The following PTAR1 variants were observed in gnomAD, a reference collection of about 807,000 sequenced individuals.
The protein encoded by PTAR1 is protein prenyltransferase alpha subunit repeat containing 1, also known as protein prenyltransferase alpha subunit repeat-containing protein 1.
PTAR1 carries 17 observed loss-of-function variants against 45.5 expected under a neutral mutation model. The observed-to-expected ratio is 0.37, with a 90% CI of 0.26 to 0.56. PTAR1 has a LOEUF of 0.56. Among genes scored for constraint, PTAR1 ranks in the 20% least tolerant of loss-of-function variants. The pLI is 0.77. For missense variants in PTAR1, 391 were observed against 476.3 expected (o/e 0.82, Z 1.67); for synonymous variants, 169 against 171.3 (o/e 0.99, Z 0.11).
chr9:69,748,502 G>C lies in PTAR1; in HGVS notation c.256+2279C>G, dbSNP rs76818658. Reference sequence around the variant, plus strand: ...GTTAATGAAAACAAGAATTCAGTTTGGTTAGGAAGAAAAAATCTATCCCAG... The same window carrying C: ...GTTAATGAAAACAAGAATTCAGTTTCGTTAGGAAGAAAAAATCTATCCCAG... On this transcript the variant is annotated intron_variant, in intron 2 of 7. Coordinates refer to ENST00000340434, the MANE Select transcript of PTAR1 (RefSeq NM_001099666.2). Among the ~76,000 whole-genome samples, 402 of 152,058 alleles carry C rather than the reference G, an allele frequency of 2.6e-3. 2 individuals carry two copies. The highest frequency in any genetic ancestry group is 4.2e-3 in the Non-Finnish European group (287 of 67,960).
intron 2 of PTAR1, 46 bp from the exon 3 acceptor site, chr9:69,741,904 T>G (rs771751917): frequency 5.0e-6 from 6 of 1,211,408 alleles, no homozygotes; most frequent in Non-Finnish European, 7.2e-6. Flanking sequence ...TCCTACCTTT[T>G]AAAGCTTGGC....
chr9:69,741,359 C>T (rs1018895391), intron 3 of PTAR1, among the ~76,000 whole-genome samples: 1 of 152,088 alleles, frequency 6.6e-6, no homozygotes, highest in Non-Finnish European at 1.5e-5. Flanking sequence ...ATGGCAATTC[C>T]ATCCTTTCAG....
chr9:69,757,206 G>A (rs1048798939), intron 1 of PTAR1: 1 of 152,158 alleles, frequency 6.6e-6, no homozygotes, highest in African/African-American at 2.4e-5. Context: ...ATTATAAACT[G>A]TTGTCTTCTA....
chr9:69,722,780 AAC>A (rs1245641908), intron 6 of PTAR1, among the ~76,000 whole-genome samples: 1 of 151,876 alleles, frequency 6.6e-6, no homozygotes, highest in African/African-American at 2.4e-5. Flanking sequence ...CTCTACTAAA[AAC>A]ACAAAAATTA....
rs1197670502 is a variant in PTAR1 at position 69,715,847 on chromosome 9, C to T, written c.*2495G>A. On this transcript the variant is annotated 3_prime_UTR_variant, in exon 8 of 8. Coordinates refer to ENST00000340434, the MANE Select transcript of PTAR1 (RefSeq NM_001099666.2). ...TGCAAACTCTAGAAATAAAGCAGCA[C>T]ACAAAAGTTACATACTAACAGTATC... 1 of 152,090 alleles carries T rather than the reference C, an allele frequency of 6.6e-6. No homozygotes were observed. The highest frequency in any genetic ancestry group is 1.5e-5 in the Non-Finnish European group (1 of 68,004). The allele number at this position is 152,090 out of a possible 1,614,324, so 9.4% of individuals were successfully genotyped here. A position where few individuals can be genotyped will look rare whatever the true frequency, so the allele number is the denominator to read the frequency against.
intron 2 of PTAR1, among the ~76,000 whole-genome samples, chr9:69,748,366 G>C (rs1483049284): frequency 6.7e-6 from 1 of 150,244 alleles, no homozygotes; most frequent in Non-Finnish European, 1.5e-5. Flanking sequence ...TACAGAATCA[G>C]TCCTCTCCCA....
At chr9:69,729,523 T>C (rs1415065306) in intron 5 of PTAR1, among the ~76,000 whole-genome samples, 1 of 152,208 alleles carries the variant, frequency 6.6e-6, no homozygotes, top group East Asian at 1.9e-4. Context: ...CTTTTATATA[T>C]CAAACTTCTA....
At chr9:69,756,414 T>C (rs1294317886) in intron 1 of PTAR1, among the ~76,000 whole-genome samples, 1 of 152,202 alleles carries the variant, frequency 6.6e-6, no homozygotes, top group Non-Finnish European at 1.5e-5. Flanking sequence ...TCCATTAGGA[T>C]AGGGACCATG....
At position 69,732,284 on chromosome 9, in the gene PTAR1, C is replaced by T; in HGVS notation, c.497G>A (p.Gly166Glu). ...LPSFVTKGNLGTIPTERAQRL... is the reference protein window; with the variant it reads ...LPSFVTKGNLETIPTERAQRL... ...CTGTGCCCTTTCTGTGGGAATTGTT[C>T]CCAAGTTTCCTTTGGTCACAAAGGA... is the stretch of plus-strand genomic sequence containing the variant. The change falls in exon 5 of 8, where the codon GGA (glycine) becomes GAA (glutamate). Residue 166 changes from glycine to glutamate, a missense_variant. Around this residue, in one of 5 missense-constraint regions of PTAR1, gnomAD observed 46 missense variants for 39.6 expected, o/e 1.16. Coordinates refer to ENST00000340434, the MANE Select transcript of PTAR1 (RefSeq NM_001099666.2). The T allele has an allele frequency of 6.2e-7, 1 of 1,613,870 alleles. No homozygotes were observed. The highest frequency in any genetic ancestry group is 8.5e-7 in the Non-Finnish European group (1 of 1,179,826).
rs969970150 is a variant in PTAR1, at chr9:69,750,968, A to G, written c.87-18T>C. ...TTTCATCTCTTAATATGTAAAACAT[A>G]AAAAAGAATTAAAAATAAGGATACT... On this transcript the variant is annotated intron_variant, in intron 1 of 7. Coordinates refer to ENST00000340434, the MANE Select transcript of PTAR1 (RefSeq NM_001099666.2). The G allele has an allele frequency of 4.7e-6, 7 of 1,495,480 alleles. No individual in the cohort carries two copies. The highest frequency in any genetic ancestry group is 1.4e-5 in the African/African-American group (1 of 70,210). 92.6% of individuals were successfully genotyped at this position (1,495,480 alleles called of 1,614,324 possible).
intron 3 of PTAR1, 64 bp from the exon 4 acceptor site, chr9:69,734,318 T>C: frequency 1.4e-6 from 1 of 703,216 alleles, no homozygotes; most frequent in Non-Finnish European, 2.2e-6. Context: ...ATCCAAAGGT[T>C]CTACATGGCT....
rs565650924 is a variant in PTAR1 at position 69,751,382 on chromosome 9, A to G, written c.87-432T>C. 1.4e-3 allele frequency among the ~76,000 whole-genome samples: 214 copies of G among 152,262 alleles called. 1 individual carries two copies. Among genetic ancestry groups the G allele is most frequent in the Admixed American group, 2.4e-3 (37 of 15,286 alleles). Reference sequence around the variant, plus strand: ...CATCCACATAATCAAGCCATTAAAAAACAATGAGGTAGATCTGCATATGCT... The same window carrying G: ...CATCCACATAATCAAGCCATTAAAAGACAATGAGGTAGATCTGCATATGCT... On this transcript the variant is annotated intron_variant, in intron 1 of 7. Coordinates refer to ENST00000340434, the MANE Select transcript of PTAR1 (RefSeq NM_001099666.2).
In PTAR1 at chr9:69,715,844, G is replaced by C. The variant is rs1265358671; in HGVS notation, c.*2498C>G. 6.6e-6 allele frequency: 1 copy of C among 152,088 alleles called. No homozygotes were observed. Among genetic ancestry groups the C allele is most frequent in the East Asian group, 1.9e-4 (1 of 5,186 alleles). 9.4% of individuals were successfully genotyped at this position (152,088 alleles called of 1,614,324 possible). A position where few individuals can be genotyped will look rare whatever the true frequency, so the allele number is the denominator to read the frequency against. On this transcript the variant is annotated 3_prime_UTR_variant, in exon 8 of 8. Coordinates refer to ENST00000340434, the MANE Select transcript of PTAR1 (RefSeq NM_001099666.2). ...AAATGCAAACTCTAGAAATAAAGCAGCACACAAAAGTTACATACTAACAGT... is the reference window on the plus strand; with the variant it reads ...AAATGCAAACTCTAGAAATAAAGCACCACACAAAAGTTACATACTAACAGT...
chr9:69,744,555 T>G (rs1826187086), intron 2 of PTAR1, among the ~76,000 whole-genome samples: 1 of 152,066 alleles, frequency 6.6e-6, no homozygotes, highest in Non-Finnish European at 1.5e-5. Flanking sequence ...CCAGATAATT[T>G]TTTGTATTTT....
At chr9:69,749,636 A>AC (rs1452987113) in intron 2 of PTAR1, among the ~76,000 whole-genome samples, 2 of 152,058 alleles carry the variant, frequency 1.3e-5, no homozygotes, top group African/African-American at 4.8e-5. Context: ...TGCTCATTAA[A>AC]CCTTCAGAGT....
chr9:69,723,836 ATTTTTTTT>A (rs375334329), intron 5 of PTAR1, among the ~76,000 whole-genome samples: 1 of 151,614 alleles, frequency 6.6e-6, no homozygotes, highest in Non-Finnish European at 1.5e-5. Flanking sequence ...AAAGTGATAG[ATTTTTTTT>A]TAAGACTAAA....
chr9:69,753,796 A>G (rs1021304682), intron 1 of PTAR1, among the ~76,000 whole-genome samples: 4 of 152,232 alleles, frequency 2.6e-5, no homozygotes, highest in African/African-American at 9.6e-5. Flanking sequence ...AGTTCTAGTT[A>G]GTTTCCATTC....
intron 3 of PTAR1, among the ~76,000 whole-genome samples, chr9:69,734,519 A>G (rs1166953725): frequency 6.6e-6 from 1 of 152,158 alleles, no homozygotes; most frequent in Non-Finnish European, 1.5e-5. Context: ...AACAGATTTT[A>G]ACGATTTTTA....
At chr9:69,735,694 A>G (rs1035830066) in intron 3 of PTAR1, among the ~76,000 whole-genome samples, 1 of 152,110 alleles carries the variant, frequency 6.6e-6, no homozygotes, top group Non-Finnish European at 1.5e-5. Context: ...ATAAAATCAG[A>G]TCATTTGTTA....
Sources: allele counts gnomAD v4.1 joint callset (sites outside exome capture counted in the v4.1 genomes callset), GRCh38; gene constraint gnomAD v4.1.1; regional missense constraint gnomAD v4.1.1; transcripts MANE v1.5; gene names NCBI Gene and HGNC (gene_info 2026-07-23, HGNC 2026-07-21).